PCLO: variants seen among roughly 807,000 people sequenced by gnomAD.
PCLO encodes the protein piccolo presynaptic cytomatrix protein, also known as protein piccolo.
A neutral mutation model predicts 427.5 loss-of-function variants in PCLO; 82 were observed. The observed-to-expected ratio is 0.19, with a 90% CI of 0.16 to 0.23. The LOEUF (loss-of-function observed/expected upper bound fraction) is 0.23, where lower values mean the gene tolerates loss of function less well. PCLO is among the 10% of genes least tolerant of loss of function. PCLO has a pLI of 1.00. For synonymous variants in PCLO, 2,357 were observed against 2,155.4 expected, an observed-to-expected ratio of 1.09 and a Z score of -2.59; for missense variants, 6,239 against 6,115.9, an observed-to-expected ratio of 1.02 and a Z score of -0.67.
rs556193471 is a variant in PCLO, at chr7:83,050,208, G to GAAAAAAA, written c.3301-83728_3301-83722dup. 5.3e-3 allele frequency among the ~76,000 whole-genome samples: 29 copies of GAAAAAAA among 5,458 alleles called. 2 individuals are homozygous for GAAAAAAA. Among genetic ancestry groups the GAAAAAAA allele is most frequent in the Non-Finnish European group, 7.2e-3 (20 of 2,792 alleles). The allele number at this position is 5,458 out of a possible 152,430, so 3.6% of individuals were successfully genotyped here. ...TGAACTATTCCTCATCTGAAAAACT[G>GAAAAAAA]AAAAAAAAAAAAAAAAAAAAAAAAA... is the stretch of plus-strand genomic sequence containing the variant. On this transcript the variant is annotated intron_variant, in intron 3 of 24. Transcript: ENST00000333891.
chr7:82,858,916 C>G (rs922254725), intron 10 of PCLO, among the ~76,000 whole-genome samples: 1 of 152,052 alleles, frequency 6.6e-6, no homozygotes, highest in Non-Finnish European at 1.5e-5. Context: ...TAAATGCAAT[C>G]CCTACCAAAA....
At position 82,952,819 on chromosome 7, in the gene PCLO, T is replaced by C. The variant is rs1795392307; in HGVS notation, c.8134A>G (p.Lys2712Glu). The change falls in exon 5 of 25, where the codon AAG (lysine) becomes GAG (glutamate). Residue 2712 changes from lysine to glutamate, a missense_variant. Physicochemically the swap from Lys to Glu is moderately conservative, Grantham distance 56. Transcript: ENST00000333891. ...TTTCCATCTTCTTTATACTGAGGCT[T>C]CTCTAAATGTATGTTATCTAGAGCA... Reference protein sequence around the residue: ...PLALDNIHLEKPQYKEDGKLQ... With the variant: ...PLALDNIHLEEPQYKEDGKLQ... 6.2e-7 allele frequency: 1 copy of C among 1,613,744 alleles called. No individual in the cohort carries two copies. Among genetic ancestry groups the C allele is most frequent in the Non-Finnish European group, 8.5e-7 (1 of 1,179,734 alleles).
chr7:82,928,957 GAAAGT>G (rs1319268299), intron 6 of PCLO, among the ~76,000 whole-genome samples: 2 of 152,066 alleles, frequency 1.3e-5, no homozygotes, highest in Admixed American at 6.6e-5. Context: ...AAATAAGAGA[GAAAGT>G]AAAACCAGAG....
At chr7:83,084,131 T>C (rs1007322807) in intron 3 of PCLO, among the ~76,000 whole-genome samples, 7 of 152,106 alleles carry the variant, frequency 4.6e-5, no homozygotes, top group African/African-American at 9.7e-5. Context: ...AGACCATCTA[T>C]CAATGAAAGA....
At chr7:82,919,662 A>G (rs936653364) in intron 6 of PCLO, among the ~76,000 whole-genome samples, 2 of 151,934 alleles carry the variant, frequency 1.3e-5, no homozygotes, top group African/African-American at 4.8e-5. Flanking sequence ...AGAAAGCAAC[A>G]GATTTTAAAC....
At chr7:83,057,843 AG>A (rs200067614) in intron 3 of PCLO, among the ~76,000 whole-genome samples, 2,925 of 152,238 alleles carry the variant, frequency 0.019, 102 homozygotes, top group African/African-American at 0.067. Context: ...AGTATACTGA[AG>A]AAAATACAGA....
rs554602094 is a variant in PCLO, at chr7:83,156,143, A to C, written c.498T>G (p.Val166=). ...GGTTGAATTTATTTACAACAGAGGA[A>C]ACAGCACTTAAAGCGTTAACCTCTG... ...FLSEVNALSA[V]SSVVNKFNPF... Residue 166 remains valine, a synonymous_variant, in exon 2 of 25, where the codon GTT becomes GTG. Transcript: ENST00000333891. The C allele has an allele frequency of 6.2e-6, 10 of 1,613,722 alleles. No individual in the cohort carries two copies. The African/African-American group carries it at 1.3e-4, about 22-fold the overall frequency.
At chr7:82,764,189 A>G (rs953047246) in intron 22 of PCLO, among the ~76,000 whole-genome samples, 2 of 151,976 alleles carry the variant, frequency 1.3e-5, no homozygotes, top group Non-Finnish European at 2.9e-5. Context: ...GGGATTACTG[A>G]TTTTTGTATA....
At chr7:83,158,384 T>C (rs1792351349) in intron 1 of PCLO, among the ~76,000 whole-genome samples, 1 of 152,000 alleles carries the variant, frequency 6.6e-6, no homozygotes, top group East Asian at 1.9e-4. Context: ...ATTTACTTAA[T>C]ATATTGTACC....
chr7:83,009,788 C>A (rs1056709696), intron 3 of PCLO, among the ~76,000 whole-genome samples: 2 of 151,750 alleles, frequency 1.3e-5, no homozygotes, highest in African/African-American at 4.8e-5. Context: ...GGGTTCCATA[C>A]CCATTATCTA....
intron 3 of PCLO, among the ~76,000 whole-genome samples, chr7:82,981,133 T>TA (rs1796138225): frequency 6.6e-6 from 1 of 151,792 alleles, no homozygotes; most frequent in Admixed American, 6.6e-5. Context: ...ATAGTTGTGT[T>TA]AAAAAAGAGT....
At chr7:83,084,185 T>C (rs958863881) in intron 3 of PCLO, among the ~76,000 whole-genome samples, 2 of 152,114 alleles carry the variant, frequency 1.3e-5, no homozygotes, top group Non-Finnish European at 2.9e-5. Context: ...GCTGATACCA[T>C]AGTAACTTTT....
chr7:83,056,899 C>G lies in PCLO; in HGVS notation c.3300+77351G>C, dbSNP rs1789392860. ...TTAAATAATAAAACTTCTCTTTTGACAGCTTTTAATTGTTTGGACTACTGC... is the reference window on the plus strand; with the variant it reads ...TTAAATAATAAAACTTCTCTTTTGAGAGCTTTTAATTGTTTGGACTACTGC... On this transcript the variant is annotated intron_variant, in intron 3 of 24. Coordinates refer to ENST00000333891, the MANE Select transcript of PCLO (RefSeq NM_033026.6). 3.9e-5 allele frequency among the ~76,000 whole-genome samples: 6 copies of G among 151,930 alleles called. No homozygotes were observed. The South Asian group carries it at 1.2e-3, about 31-fold the overall frequency.
chr7:82,963,456 T>TAA (rs57759498), intron 4 of PCLO, among the ~76,000 whole-genome samples: 4 of 151,126 alleles, frequency 2.6e-5, no homozygotes, highest in South Asian at 4.2e-4. Context: ...AATCCACACT[T>TAA]AAAAAAAAAG....
At chr7:82,873,257 T>C (rs1181431367) in intron 10 of PCLO, among the ~76,000 whole-genome samples, 1 of 146,238 alleles carries the variant, frequency 6.8e-6, no homozygotes, top group African/African-American at 2.5e-5. Flanking sequence ...AAGTGTTAAA[T>C]AGCATGCATC....
At chr7:83,003,040 G>A (rs1293526155) in intron 3 of PCLO, among the ~76,000 whole-genome samples, 1 of 151,274 alleles carries the variant, frequency 6.6e-6, no homozygotes, top group Non-Finnish European at 1.5e-5. Flanking sequence ...ATATCTGAAA[G>A]ATCATATCTT....
intron 3 of PCLO, among the ~76,000 whole-genome samples, chr7:83,095,767 T>C (rs571925730): frequency 6.6e-6 from 1 of 152,226 alleles, no homozygotes; most frequent in South Asian, 2.1e-4. Context: ...TGCTAGTGTA[T>C]TTCCATGTAG....
intron 3 of PCLO, among the ~76,000 whole-genome samples, chr7:83,103,255 A>C (rs1790778588): frequency 6.6e-6 from 1 of 151,926 alleles, no homozygotes; most frequent in Non-Finnish European, 1.5e-5. Flanking sequence ...GCAATTAACT[A>C]CAAAACTGGT....
intron 8 of PCLO, among the ~76,000 whole-genome samples, chr7:82,905,994 A>G (rs1220425641): frequency 6.6e-6 from 1 of 150,656 alleles, no homozygotes; most frequent in Non-Finnish European, 1.5e-5. Context: ...CGAAGAAGGC[A>G]GAGGTTAAGC....
Sources: allele counts gnomAD v4.1 joint callset (sites outside exome capture counted in the v4.1 genomes callset), GRCh38; gene constraint gnomAD v4.1.1; transcripts MANE v1.5; gene names NCBI Gene and HGNC (gene_info 2026-07-23, HGNC 2026-07-21).